The following PAXIP1 variants were observed in gnomAD, a reference collection of about 807,000 sequenced individuals.
The protein encoded by PAXIP1 is PAX-interacting protein 1.
A neutral mutation model predicts 140.6 loss-of-function variants in PAXIP1; 19 were observed. The observed-to-expected ratio is 0.14, with a 90% confidence interval of 0.09 to 0.20. PAXIP1 has a LOEUF of 0.20. PAXIP1 is among the 10% of genes least tolerant of loss of function. PAXIP1 has a pLI of 1.00. For missense variants in PAXIP1, 920 were observed against 1,208.6 expected, an observed-to-expected ratio of 0.76 and a Z score of 3.54; for synonymous variants, 442 against 444.6, an observed-to-expected ratio of 0.99 and a Z score of 0.07.
rs1809870888 is a variant in PAXIP1, at chr7:154,982,226, A to C, written c.438+993T>G. 2.0e-5 allele frequency among the ~76,000 whole-genome samples: 3 copies of C among 152,240 alleles called. No homozygotes were observed. In the South Asian group the frequency reaches 6.2e-4, roughly 32 times the overall value. On this transcript the variant is annotated intron_variant, in intron 5 of 20. Transcript: ENST00000404141. ...AGAAGTCACATGATAAATTTTATATAATGCTTTCTATAGAACAGTGGTTCT... is the reference window on the plus strand; with the variant it reads ...AGAAGTCACATGATAAATTTTATATCATGCTTTCTATAGAACAGTGGTTCT...
At chr7:155,002,657 C>T (rs1242620327) in intron 1 of PAXIP1, among the ~76,000 whole-genome samples, 192 bp downstream of exon 1, 1 of 151,486 alleles carries the variant, frequency 6.6e-6, no homozygotes, top group Non-Finnish European at 1.5e-5. Flanking sequence ...CTCCCGCACT[C>T]CCCCGGGCCC....
At chr7:154,989,616 GATT>G (rs1810231984) in intron 4 of PAXIP1, among the ~76,000 whole-genome samples, 1 of 152,108 alleles carries the variant, frequency 6.6e-6, no homozygotes, top group South Asian at 2.1e-4. Context: ...ATAACAATTT[GATT>G]TTTTTCTAAT....
intron 1 of PAXIP1, 145 bp downstream of exon 1, chr7:155,002,704 T>C (rs1443372573): frequency 8.8e-6 from 3 of 340,828 alleles, no homozygotes; most frequent in East Asian, 1.4e-4. Flanking sequence ...GCCCCTGCCC[T>C]CAGCGCAGTC....
intron 6 of PAXIP1, among the ~76,000 whole-genome samples, chr7:154,971,915 A>G (rs984858650): frequency 2.0e-5 from 3 of 152,194 alleles, no homozygotes; most frequent in African/African-American, 7.2e-5. Flanking sequence ...GTTCTCTTGC[A>G]TTGCTGAAAG....
chr7:154,995,991 C>A (rs1810584201), intron 2 of PAXIP1, among the ~76,000 whole-genome samples: 1 of 152,072 alleles, frequency 6.6e-6, no homozygotes, highest in Admixed American at 6.6e-5. Flanking sequence ...TTATAAGATT[C>A]AAATATGTAA....
intron 3 of PAXIP1, among the ~76,000 whole-genome samples, chr7:154,992,235 T>C (rs990312559): frequency 4.6e-5 from 7 of 152,112 alleles, no homozygotes; most frequent in African/African-American, 1.7e-4. Context: ...TTCTTATGGA[T>C]AGGCAAGTAA....
Position 154,947,948 on chromosome 7 carries a change from G to T in PAXIP1, c.2877C>A (p.Ser959Arg). 6.2e-7 allele frequency: 1 copy of T among 1,613,534 alleles called. No homozygotes were observed. Among genetic ancestry groups the T allele is most frequent in the Non-Finnish European group, 8.5e-7 (1 of 1,179,488 alleles). ...GTGCCCGTTTTAAGGATTCTTCCAA[G>T]CTGAAAGAGAAAAGTACTTCTGCCT... ...DAEAEVLFSF[S>R]LEESLKRAHV... is the part of the protein sequence containing the mutation. The change falls in exon 17 of 21, where the codon AGC becomes AGA. Residue 959 changes from serine to arginine, a missense_variant. Transcript: ENST00000404141.
At chr7:154,962,638 C>A in intron 9 of PAXIP1, 180 bp from the exon 10 acceptor site, 1 of 524,884 alleles carries the variant, frequency 1.9e-6, no homozygotes. Flanking sequence ...ACTTGAAATA[C>A]AACCTAAAAA....
intron 5 of PAXIP1, among the ~76,000 whole-genome samples, chr7:154,982,648 G>A: frequency 6.6e-6 from 1 of 152,168 alleles, no homozygotes; most frequent in East Asian, 1.9e-4. Flanking sequence ...ACTGCGCCTG[G>A]CCAACAGGCT....
At position 154,956,202 on chromosome 7, in the gene PAXIP1, AT is replaced by A. The variant is rs1808504641; in HGVS notation, c.2550-572del. Among the ~76,000 whole-genome samples, 1 of 152,280 alleles carries A rather than the reference AT, an allele frequency of 6.6e-6. No homozygotes were observed. The highest frequency in any genetic ancestry group is 2.4e-5 in the African/African-American group (1 of 41,562). On this transcript the variant is annotated intron_variant, in intron 14 of 20. Coordinates refer to ENST00000404141, the MANE Select transcript of PAXIP1 (RefSeq NM_007349.4). This position sits in a 1 kb window ranked among gnomAD's most constrained non-coding sequence, Gnocchi z 4.2. ...TTAAACCTTTTTGTTTTTTACATGA[AT>A]TTTTTAGGTCTTTTTTTCAGGTTAT...
Position 154,963,466 on chromosome 7 carries a change from C to T in PAXIP1, c.1989+205G>A, listed in dbSNP as rs904659353. Among the ~76,000 whole-genome samples the T allele has an allele frequency of 6.6e-6, 1 of 152,180 alleles. No individual in the cohort carries two copies. Among genetic ancestry groups the T allele is most frequent in the East Asian group, 1.9e-4 (1 of 5,198 alleles). ...CTTTCTTAACACCACCTGGGAACAT[C>T]CCTTTCTTTCTCCATTGCTCAAAGA... On this transcript the variant is annotated intron_variant, in intron 9 of 20. Transcript: ENST00000404141. This position sits in a 1 kb window ranked among gnomAD's most constrained non-coding sequence, Gnocchi z 4.1.
chr7:154,946,229 T>C lies in PAXIP1; in HGVS notation c.3194+136A>G. On this transcript the variant is annotated intron_variant, in intron 20 of 20. Transcript: ENST00000404141. This position sits in a 1 kb window ranked among gnomAD's most constrained non-coding sequence, Gnocchi z 4.9. ...AATGAATATTCTGAAGAGAAAAGAA[T>C]TGTTCACTGCATAAATCACAATAGC... The C allele has an allele frequency of 7.4e-6, 11 of 1,489,162 alleles. No homozygotes were observed. The highest frequency in any genetic ancestry group is 2.1e-4 in the Middle Eastern group (1 of 4,720). The allele number at this position is 1,489,162 out of a possible 1,614,324, so 92.2% of individuals were successfully genotyped here. A position where few individuals can be genotyped will look rare whatever the true frequency, so the allele number is the denominator to read the frequency against.
chr7:154,993,706 C>G lies in PAXIP1; in HGVS notation c.260+20G>C. ...CCAGAGTTACCCTTTCCCTCCTCCC[C>G]CACTCAAAAAAAAGGATACGGCAGA... On this transcript the variant is annotated intron_variant, in intron 3 of 20. Transcript: ENST00000404141. 6.4e-7 allele frequency: 1 copy of G among 1,573,486 alleles called. No individual in the cohort carries two copies. Among genetic ancestry groups the G allele is most frequent in the Non-Finnish European group, 8.7e-7 (1 of 1,155,330 alleles).
chr7:154,955,660 G>A (rs1253153548), intron 14 of PAXIP1, 29 bp from the exon 15 acceptor site: 1 of 1,218,778 alleles, frequency 8.2e-7, no homozygotes. Flanking sequence ...TAAAATAGTA[G>A]TGATTTCATA....
At chr7:154,991,850 T>A (rs1432184976) in intron 3 of PAXIP1, among the ~76,000 whole-genome samples, 1 of 152,222 alleles carries the variant, frequency 6.6e-6, no homozygotes, top group Non-Finnish European at 1.5e-5. Context: ...TCTCTTTCCC[T>A]ATAGGAGTAA....
intron 4 of PAXIP1, among the ~76,000 whole-genome samples, chr7:154,989,527 T>C (rs1289824862): frequency 6.6e-6 from 1 of 152,212 alleles, no homozygotes; most frequent in Admixed American, 6.5e-5. Context: ...TGGGACATCC[T>C]ACAGTGCACT....
chr7:154,968,918 T>G lies in PAXIP1; in HGVS notation c.1283A>C (p.Gln428Pro). 7 of 1,328,366 alleles carry G rather than the reference T, an allele frequency of 5.3e-6. No individual in the cohort carries two copies. The highest frequency in any genetic ancestry group is 1.3e-5 in the South Asian group (1 of 79,200). 82.3% of individuals were successfully genotyped at this position (1,328,366 alleles called of 1,614,324 possible). Residue 428 changes from glutamine (Q) to proline (P), a missense_variant, in exon 7 of 21, where the codon CAG (glutamine) becomes CCG (proline). By Grantham distance (76) the Gln-to-Pro change is moderately conservative (BLOSUM62 -1). This residue lies in a region of PAXIP1 where 133 missense variants were observed against 88.4 expected (regional missense o/e 1.50). Coordinates refer to ENST00000404141, the MANE Select transcript of PAXIP1 (RefSeq NM_007349.4). ...AGAGATCTGCTGCTGCTGCTGCTGCTGGAGCTGCATTATCTGCTGGGGCTG... is the reference window on the plus strand; with the variant it reads ...AGAGATCTGCTGCTGCTGCTGCTGCGGGAGCTGCATTATCTGCTGGGGCTG... ...HLQPQQIMQL[Q>P]QQQQQQISQQ...
At position 154,947,412 on chromosome 7, in the gene PAXIP1, C is replaced by CA. The variant is rs200524395; in HGVS notation, c.2922+490dup. 9.0e-3 allele frequency: 1,392 copies of CA among 155,034 alleles called. 9 individuals carry two copies. The highest frequency in any genetic ancestry group is 0.043 in the Middle Eastern group (13 of 300). 9.6% of individuals were successfully genotyped at this position (155,034 alleles called of 1,614,324 possible). On this transcript the variant is annotated intron_variant, in intron 17 of 20. Coordinates refer to ENST00000404141, the MANE Select transcript of PAXIP1 (RefSeq NM_007349.4). ...TATTGATTTACTTAGTTCTTTGGTA[C>CA]AAAAAAAATTCCTAGCTGTTCTAAC...
chr7:154,990,961 A>G, intron 4 of PAXIP1, 45 bp downstream of exon 4: 1 of 1,154,674 alleles, frequency 8.7e-7, no homozygotes, highest in Non-Finnish European at 1.2e-6. Flanking sequence ...AAAACTCAGA[A>G]GTGTCACATA....
Sources: allele counts gnomAD v4.1 joint callset (sites outside exome capture counted in the v4.1 genomes callset), GRCh38; gene constraint gnomAD v4.1.1; regional missense constraint gnomAD v4.1.1; non-coding constraint Gnocchi (gnomAD v3.1); transcripts MANE v1.5; gene names NCBI Gene and HGNC (gene_info 2026-07-23, HGNC 2026-07-21).